SRRM4: variants seen among roughly 807,000 people sequenced by gnomAD.
The protein encoded by SRRM4 is serine/arginine repetitive matrix 4.
Under a neutral mutation model 68.9 loss-of-function variants are expected in SRRM4, and 33 were observed. That is an observed-to-expected ratio of 0.48 (90% CI 0.36 to 0.64). The LOEUF is 0.64. Among genes scored for constraint, SRRM4 ranks in the 30% least tolerant of loss-of-function variants. The pLI is 0.00. For synonymous variants in SRRM4, 318 were observed against 318.8 expected (o/e 1.00, Z 0.03); for missense variants, 817 against 827.1 (o/e 0.99, Z 0.15).
chr12:119,025,675 C>A (rs1029166748), intron 1 of SRRM4, among the ~76,000 whole-genome samples: 1 of 151,926 alleles, frequency 6.6e-6, no homozygotes, highest in Admixed American at 6.6e-5. Flanking sequence ...AACTCCCGAC[C>A]TCAGGTGATC....
At chr12:119,003,024 G>A (rs1218596973) in intron 1 of SRRM4, among the ~76,000 whole-genome samples, 8 of 151,758 alleles carry the variant, frequency 5.3e-5, no homozygotes, top group African/African-American at 1.9e-4. Context: ...GAGCTCAGAG[G>A]GGTGACAACA....
chr12:118,992,613 G>T (rs1431150384), intron 1 of SRRM4, among the ~76,000 whole-genome samples: 1 of 152,196 alleles, frequency 6.6e-6, no homozygotes, highest in African/African-American at 2.4e-5. Context: ...TTTATCATAT[G>T]GATGGTTGTT....
chr12:119,141,140 G>A (rs556335615), intron 8 of SRRM4, among the ~76,000 whole-genome samples: 5 of 152,178 alleles, frequency 3.3e-5, no homozygotes, highest in South Asian at 2.1e-4. Context: ...ACAAGGTTTC[G>A]CCATGTTGGC....
intron 1 of SRRM4, among the ~76,000 whole-genome samples, chr12:119,018,478 G>T (rs1222066414): frequency 2.0e-5 from 3 of 152,100 alleles, no homozygotes; most frequent in Non-Finnish European, 4.4e-5. Context: ...TCAGCAAGTT[G>T]TTCCTTTTCT....
chr12:119,049,164 G>T (rs1953726089), intron 1 of SRRM4, among the ~76,000 whole-genome samples: 1 of 152,228 alleles, frequency 6.6e-6, no homozygotes, highest in African/African-American at 2.4e-5. Context: ...TGGTAAGGGG[G>T]ATAGGAAAAG....
Position 119,050,909 on chromosome 12 carries a change from G to C in SRRM4, c.132-51327G>C, listed in dbSNP as rs115807244. On this transcript the variant is annotated intron_variant, in intron 1 of 12. Coordinates refer to ENST00000267260, the MANE Select transcript of SRRM4 (RefSeq NM_194286.4). ...AAAATTAATTTTCTAAGTCACCCTAGCCACATCCCAAGTGCTCAGTAGCCA... is the reference window on the plus strand; with the variant it reads ...AAAATTAATTTTCTAAGTCACCCTACCCACATCCCAAGTGCTCAGTAGCCA... Among the ~76,000 whole-genome samples the C allele has an allele frequency of 4.8e-3, 737 of 151,986 alleles. 1 individual carries two copies. The highest frequency in any genetic ancestry group is 0.016 in the African/African-American group (643 of 41,452).
At chr12:118,994,057 A>T (rs1428030223) in intron 1 of SRRM4, 2 of 152,222 alleles carry the variant, frequency 1.3e-5, no homozygotes, top group Non-Finnish European at 2.9e-5. Flanking sequence ...GGCCTAGGTC[A>T]GAAGCAGAAC....
intron 2 of SRRM4, among the ~76,000 whole-genome samples, chr12:119,104,461 T>G (rs374005675): frequency 1.1e-5 from 1 of 94,682 alleles, no homozygotes; most frequent in Non-Finnish European, 2.8e-5. Context: ...TAATCATAAT[T>G]ATATTATATA....
chr12:119,156,978 G>A lies in SRRM4; in HGVS notation c.*180G>A, dbSNP rs74480771. 4.7e-3 allele frequency: 3,351 copies of A among 717,320 alleles called. 89 individuals carry two copies. In the African/African-American group the frequency reaches 0.053, roughly 11 times the overall value. The allele number at this position is 717,320 out of a possible 1,614,324, so 44.4% of individuals were successfully genotyped here. A position where few individuals can be genotyped will look rare whatever the true frequency, so the allele number is the denominator to read the frequency against. On this transcript the variant is annotated 3_prime_UTR_variant, in exon 13 of 13. Coordinates refer to ENST00000267260, the MANE Select transcript of SRRM4 (RefSeq NM_194286.4). ...TTCACTCTCTAGATCAGCCTGCTAG[G>A]AGCCTCTACCAGCATCATCCTGGGG... is the stretch of plus-strand genomic sequence containing the variant.
At chr12:119,067,207 C>T (rs1046085539) in intron 1 of SRRM4, among the ~76,000 whole-genome samples, 2 of 151,806 alleles carry the variant, frequency 1.3e-5, no homozygotes, top group Admixed American at 6.6e-5. Context: ...AAAACTTTTA[C>T]GAGGGCAGAA....
intron 1 of SRRM4, chr12:118,991,763 C>T (rs192934970): frequency 1.2e-4 from 18 of 152,326 alleles, no homozygotes; most frequent in Non-Finnish European, 2.1e-4. Context: ...GGGACTATGC[C>T]TGTCTCATTC....
chr12:119,025,429 T>TG (rs58805603), intron 1 of SRRM4, among the ~76,000 whole-genome samples: 8 of 46,082 alleles, frequency 1.7e-4, no homozygotes, highest in Non-Finnish European at 4.0e-4. Flanking sequence ...ATATATGGAG[T>TG]TTTTTTTTTT....
Position 119,130,841 on chromosome 12 carries a change from ATTC to A in SRRM4, c.771+11_771+13del. The A allele has an allele frequency of 1.2e-6, 2 of 1,601,006 alleles. No homozygotes were observed. The highest frequency in any genetic ancestry group is 1.7e-6 in the Non-Finnish European group (2 of 1,179,028). On this transcript the variant is annotated splice_region_variant and intron_variant, in intron 8 of 12. Transcript: ENST00000267260. ...CCTGTCAGCCAGGGGTGTAGTAAGT[ATTC>A]TTCACAGCCTCCTCTGCCAGCCTTG... is the stretch of plus-strand genomic sequence containing the variant.
Position 119,018,768 on chromosome 12 carries a change from T to A in SRRM4, c.131+36755T>A, listed in dbSNP as rs572198904. On this transcript the variant is annotated intron_variant, in intron 1 of 12. Transcript: ENST00000267260. ...TGGTACCCTAGAGTAATGGAAAGAA[T>A]TACTCTACCTAATTTGTTTTGTTGT... is the stretch of plus-strand genomic sequence containing the variant. Among the ~76,000 whole-genome samples the A allele has an allele frequency of 5.3e-5, 8 of 152,216 alleles. 1 individual carries two copies. The South Asian group carries it at 1.7e-3, about 32-fold the overall frequency.
At chr12:119,143,774 C>T (rs1954382719) in intron 8 of SRRM4, among the ~76,000 whole-genome samples, 1 of 152,178 alleles carries the variant, frequency 6.6e-6, no homozygotes, top group Admixed American at 6.5e-5. Context: ...TGGAAAGTGG[C>T]ATAGGAGTCA....
chr12:119,117,615 C>CACACACAT (rs71069490), intron 4 of SRRM4, among the ~76,000 whole-genome samples: 5 of 151,900 alleles, frequency 3.3e-5, no homozygotes, highest in Non-Finnish European at 5.9e-5. Context: ...CACACACACA[C>CACACACAT]GTGTATGTTT....
intron 1 of SRRM4, among the ~76,000 whole-genome samples, chr12:118,982,689 T>TTG (rs1391128063): frequency 7.0e-6 from 1 of 141,900 alleles, no homozygotes; most frequent in African/African-American, 2.7e-5. Flanking sequence ...GTTTTTTTTT[T>TTG]TTTTTTCCAA....
chr12:119,078,124 C>T (rs1033042410), intron 1 of SRRM4, among the ~76,000 whole-genome samples: 3 of 152,124 alleles, frequency 2.0e-5, no homozygotes, highest in Admixed American at 2.0e-4. Flanking sequence ...GTGGGATGTA[C>T]GTTATTCACG....
rs765064831 is a variant in SRRM4, at chr12:119,145,662, C to T, written c.1053C>T (p.Pro351=). ...NKGAMLENLS[P]TSRGRESRGF... ...GGGCCATGTTGGAGAATCTCTCCCC[C>T]ACCAGCAGGGGCAGAGAGTCAAGGT... is the stretch of plus-strand genomic sequence containing the variant. The change falls in exon 9 of 13, where the codon CCC becomes CCT. Residue 351 remains proline (P), a synonymous_variant. Transcript: ENST00000267260. 7.9e-6 allele frequency: 12 copies of T among 1,524,128 alleles called. No homozygotes were observed. The highest frequency in any genetic ancestry group is 4.4e-6 in the Non-Finnish European group (5 of 1,136,748). 94.4% of individuals were successfully genotyped at this position (1,524,128 alleles called of 1,614,324 possible). A position where few individuals can be genotyped will look rare whatever the true frequency, so the allele number is the denominator to read the frequency against.
Sources: allele counts gnomAD v4.1 joint callset (sites outside exome capture counted in the v4.1 genomes callset), GRCh38; gene constraint gnomAD v4.1.1; transcripts MANE v1.5; gene names NCBI Gene and HGNC (gene_info 2026-07-23, HGNC 2026-07-21).